Variants in SLC30A6 observed in about 807,000 individuals in gnomAD.
SLC30A6 encodes the protein solute carrier family 30 member 6, also known as zinc transporter 6.
SLC30A6 carries 55 observed loss-of-function variants against 63.0 expected under a neutral mutation model. The ratio of observed to expected loss-of-function variants is 0.87; its 90% CI spans 0.70 to 1.09. SLC30A6 has a LOEUF of 1.09. Among genes scored for constraint, SLC30A6 ranks in the 50% least tolerant of loss-of-function variants. SLC30A6 has a pLI of 0.00. For synonymous variants in SLC30A6, 224 were observed against 186.1 expected, an observed-to-expected ratio of 1.20 and a Z score of -1.66; for missense variants, 587 against 549.2, an observed-to-expected ratio of 1.07 and a Z score of -0.69.
chr2:32,217,988 T>C (rs1441501894), intron 13 of SLC30A6, among the ~76,000 whole-genome samples: 1 of 152,098 alleles, frequency 6.6e-6, no homozygotes, highest in Non-Finnish European at 1.5e-5. Flanking sequence ...GCACTACAGA[T>C]GTGTGCCACC....
At position 32,220,463 on chromosome 2, in the gene SLC30A6, AACCTAGTAGTCC is replaced by A; in HGVS notation, c.1141_1152del (p.Ser381_Pro384del). The A allele has an allele frequency of 6.2e-7, 1 of 1,614,228 alleles. No homozygotes were observed. Among genetic ancestry groups the A allele is most frequent in the Non-Finnish European group, 8.5e-7 (1 of 1,180,040 alleles). On this transcript the variant is annotated inframe_deletion, in exon 14 of 14. Transcript: ENST00000282587. ...AACCCAGTTACATCAACTCCAGCTA[AACCTAGTAGTCC>A]ACCTCCAGAATTTTCATTTAACACT...
In SLC30A6 at chr2:32,206,876, T is replaced by A; in HGVS notation, c.769-10T>A. 1 of 1,609,786 alleles carries A rather than the reference T, an allele frequency of 6.2e-7. No individual in the cohort carries two copies. The highest frequency in any genetic ancestry group is 1.1e-5 in the South Asian group (1 of 90,980). ...CCCCATTATTCATATTTTATTGTAT[T>A]TTTCCCCAGACAACACCACCCCATG... is the stretch of plus-strand genomic sequence containing the variant. On this transcript the variant is annotated splice_polypyrimidine_tract_variant and intron_variant, in intron 11 of 13. Coordinates refer to ENST00000282587, the MANE Select transcript of SLC30A6 (RefSeq NM_017964.5).
At chr2:32,219,420 C>CA (rs1646000897) in intron 13 of SLC30A6, among the ~76,000 whole-genome samples, 1 of 151,838 alleles carries the variant, frequency 6.6e-6, no homozygotes, top group African/African-American at 2.4e-5. Context: ...CTTCTGCCCC[C>CA]TGAAATACTT....
intron 6 of SLC30A6, 48 bp from the exon 7 acceptor site, chr2:32,192,870 A>G: frequency 1.6e-6 from 2 of 1,222,274 alleles, no homozygotes; most frequent in Non-Finnish European, 2.2e-6. Flanking sequence ...AAAGCTTTTT[A>G]ACTTTATAAT....
At chr2:32,218,301 G>GT (rs919406811) in intron 13 of SLC30A6, among the ~76,000 whole-genome samples, 14 of 152,062 alleles carry the variant, frequency 9.2e-5, no homozygotes, top group African/African-American at 3.4e-4. Context: ...ATAATTTATG[G>GT]TAAACACTTT....
chr2:32,189,357 C>A (rs1186251463), intron 5 of SLC30A6, among the ~76,000 whole-genome samples: 2 of 149,934 alleles, frequency 1.3e-5, no homozygotes, highest in Non-Finnish European at 3.0e-5. Context: ...AGTGGTGCGA[C>A]CTTGGCTCAC....
intron 12 of SLC30A6, among the ~76,000 whole-genome samples, chr2:32,208,729 G>C (rs994635231): frequency 6.6e-6 from 1 of 151,804 alleles, no homozygotes; most frequent in Non-Finnish European, 1.5e-5. Context: ...GGCCTGGCTG[G>C]ACTCGAACTC....
chr2:32,167,382 C>CTTT (rs11293465), intron 1 of SLC30A6, among the ~76,000 whole-genome samples: 3 of 132,536 alleles, frequency 2.3e-5, no homozygotes, highest in Admixed American at 7.7e-5. Flanking sequence ...GCCACAAACT[C>CTTT]TTTTTTTTTT....
intron 7 of SLC30A6, 125 bp downstream of exon 7, chr2:32,193,078 C>T (rs973972473): frequency 2.5e-5 from 14 of 563,430 alleles, no homozygotes; most frequent in Middle Eastern, 5.0e-4. Context: ...TGGTATTTCA[C>T]AAACAAAATT....
intron 1 of SLC30A6, among the ~76,000 whole-genome samples, chr2:32,168,528 A>T (rs752393832): frequency 3.3e-5 from 5 of 151,938 alleles, no homozygotes; most frequent in Non-Finnish European, 7.4e-5. Flanking sequence ...CAATGTAACA[A>T]GTTGAAGGCT....
At position 32,197,380 on chromosome 2, in the gene SLC30A6, A is replaced by G. The variant is rs1332740943; in HGVS notation, c.533A>G (p.Asp178Gly). The G allele has an allele frequency of 6.2e-7, 1 of 1,613,586 alleles. No homozygotes were observed. Among genetic ancestry groups the G allele is most frequent in the Non-Finnish European group, 8.5e-7 (1 of 1,179,738 alleles). The change falls in exon 9 of 14, where the codon GAT becomes GGT. Residue 178 changes from aspartate to glycine, a missense_variant. Coordinates refer to ENST00000282587, the MANE Select transcript of SLC30A6 (RefSeq NM_017964.5). ...AGCTGGCTTCAAGAGCATGTTGCAG[A>G]TCTTAGTCGAAGGTAAGATGTTATG... ...STSWLQEHVA[D>G]LSRSLCGIIP...
intron 10 of SLC30A6, among the ~76,000 whole-genome samples, chr2:32,199,303 A>C (rs374707844): frequency 1.3e-5 from 2 of 152,226 alleles, no homozygotes; most frequent in South Asian, 4.1e-4. Flanking sequence ...ACCACTGTGA[A>C]CACGAGTGTA....
At chr2:32,207,071 G>A in intron 12 of SLC30A6, 138 bp downstream of exon 12, 2 of 655,496 alleles carry the variant, frequency 3.1e-6, no homozygotes, top group Admixed American at 5.6e-5. Context: ...CATACTAGGA[G>A]CCATAATATA....
At chr2:32,180,410 CAAA>C (rs35253594) in intron 4 of SLC30A6, among the ~76,000 whole-genome samples, 18 of 117,346 alleles carry the variant, frequency 1.5e-4, no homozygotes, top group Non-Finnish European at 1.3e-4. Context: ...TACCCTGTCT[CAAA>C]AAAAAAAAAA....
intron 4 of SLC30A6, among the ~76,000 whole-genome samples, chr2:32,182,936 C>T (rs1682458903): frequency 2.6e-5 from 4 of 152,118 alleles, no homozygotes; most frequent in African/African-American, 7.2e-5. Flanking sequence ...CACCTGTAAT[C>T]CCAGCCCTTT....
chr2:32,218,257 CA>C (rs747012890), intron 13 of SLC30A6, among the ~76,000 whole-genome samples: 3 of 151,956 alleles, frequency 2.0e-5, no homozygotes, highest in Non-Finnish European at 2.9e-5. Flanking sequence ...CTCATCTCTA[CA>C]AAGAAAACAA....
At position 32,192,316 on chromosome 2, in the gene SLC30A6, A is replaced by G. The variant is rs1315237998; in HGVS notation, c.285-20A>G. 6.2e-7 allele frequency: 1 copy of G among 1,608,748 alleles called. No individual in the cohort carries two copies. The highest frequency in any genetic ancestry group is 8.5e-7 in the Non-Finnish European group (1 of 1,175,190). On this transcript the variant is annotated intron_variant, in intron 5 of 13. Transcript: ENST00000282587. The stretch of plus-strand genomic sequence containing the variant: ...TGAATTGAAAGAATTGTGATGATCT[A>G]ATTAATGTTTTGGTTTCAGGTTTGA...
chr2:32,203,805 TA>T, intron 10 of SLC30A6: 1 of 1,461,876 alleles, frequency 6.8e-7, no homozygotes, highest in Non-Finnish European at 9.6e-7. Context: ...AATATTATGA[TA>T]GAAACACATC....
At chr2:32,218,671 C>G (rs535945051) in intron 13 of SLC30A6, among the ~76,000 whole-genome samples, 2 of 152,284 alleles carry the variant, frequency 1.3e-5, no homozygotes, top group East Asian at 3.9e-4. Flanking sequence ...ATTTTCCTGC[C>G]TCAGCCTCCT....
Sources: gnomAD v4.1 joint callset for allele counts (sites outside exome capture counted in the v4.1 genomes callset) on GRCh38, gnomAD v4.1.1 for gene constraint, MANE v1.5 for transcripts, NCBI Gene and HGNC (gene_info 2026-07-23, HGNC 2026-07-21) for gene names.